The following CFTR variants were observed in gnomAD, a reference collection of about 807,000 sequenced individuals.
The protein encoded by CFTR is CF transmembrane conductance regulator.
CFTR carries 181 observed loss-of-function variants against 171.6 expected under a neutral mutation model. The ratio of observed to expected loss-of-function variants is 1.05; its 90% CI spans 0.93 to 1.19. The LOEUF (loss-of-function observed/expected upper bound fraction) is 1.19. Among genes scored for constraint, CFTR ranks in the 50% most tolerant of loss-of-function variants. CFTR has a pLI of 0.00. For missense variants in CFTR, 1,968 were observed against 1,734.7 expected, an observed-to-expected ratio of 1.13 and a Z score of -2.39; for synonymous variants, 583 against 608.0, an observed-to-expected ratio of 0.96 and a Z score of 0.60.
In CFTR at chr7:117,515,105, G is replaced by T. The variant is rs979775639; in HGVS notation, c.273+5963G>T. ...TTTTCTCCCATTTTGTAGGTTGCCTGTTCACTCTGATGATAGGTTCTTTTG... is the reference window on the plus strand; with the variant it reads ...TTTTCTCCCATTTTGTAGGTTGCCTTTTCACTCTGATGATAGGTTCTTTTG... On this transcript the variant is annotated intron_variant, in intron 3 of 26. Coordinates refer to ENST00000003084, the MANE Select transcript of CFTR (RefSeq NM_000492.4). Among the ~76,000 whole-genome samples the T allele has an allele frequency of 2.6e-5, 4 of 152,148 alleles. No homozygotes were observed. The East Asian group carries it at 7.7e-4, about 29-fold the overall frequency.
intron 10 of CFTR, among the ~76,000 whole-genome samples, chr7:117,556,012 T>G (rs1325595166): frequency 6.6e-6 from 1 of 152,164 alleles, no homozygotes; most frequent in African/African-American, 2.4e-5. Context: ...TGTATTTATA[T>G]TCATAAATAA....
chr7:117,587,344 T>A (rs1436068316), intron 11 of CFTR, among the ~76,000 whole-genome samples: 1 of 152,170 alleles, frequency 6.6e-6, no homozygotes, highest in Non-Finnish European at 1.5e-5. Context: ...TTTGGGAGAT[T>A]TCTTTTGAAA....
rs17139964 is a variant in CFTR, at chr7:117,494,763, G to A, written c.54-9490G>A. Among the ~76,000 whole-genome samples, 9 of 152,192 alleles carry A rather than the reference G, an allele frequency of 5.9e-5. No individual in the cohort carries two copies. The East Asian group carries it at 1.7e-3, about 29-fold the overall frequency. ...TAATTATAAAATAAATACCAGCAAA[G>A]TTAAATCAATATATCATGTGGGAGA... On this transcript the variant is annotated intron_variant, in intron 1 of 26. Transcript: ENST00000003084.
At chr7:117,566,510 T>G (rs1181436449) in intron 11 of CFTR, among the ~76,000 whole-genome samples, 1 of 152,010 alleles carries the variant, frequency 6.6e-6, no homozygotes, top group Non-Finnish European at 1.5e-5. Context: ...ACTAAATGAC[T>G]GTACCTTGAA....
chr7:117,540,305 C>T lies in CFTR; in HGVS notation c.1075C>T (p.Gln359Ter). ...AVTRQFPWAV[Q>*]TWYDSLGAIN... The stretch of plus-strand genomic sequence containing the variant: ...CACTCGGCAATTTCCCTGGGCTGTA[C>T]AAACATGGTATGACTCTCTTGGAGC... Residue 359 changes from glutamine to a stop codon, truncating the protein, a stop_gained, in exon 8 of 27, where the codon CAA becomes TAA. Transcript: ENST00000003084. LOFTEE classifies it high-confidence loss of function. The T allele has an allele frequency of 6.2e-7, 1 of 1,613,798 alleles. No homozygotes were observed. Among genetic ancestry groups the T allele is most frequent in the Non-Finnish European group, 8.5e-7 (1 of 1,179,718 alleles).
Position 117,610,567 on chromosome 7 carries a change from C to T in CFTR, c.3037C>T (p.Pro1013Ser), listed in dbSNP as rs978796108. Residue 1013 changes from proline (P) to serine (S), a missense_variant, in exon 19 of 27, where the codon CCC (proline) becomes TCC (serine). Coordinates refer to ENST00000003084, the MANE Select transcript of CFTR (RefSeq NM_000492.4). ...TATAGCAGTTGTCGCAGTTTTACAA[C>T]CCTACATCTTTGTTGCAACAGTGCC... Reference protein sequence around the residue: ...GAIAVVAVLQPYIFVATVPVI... With the variant: ...GAIAVVAVLQSYIFVATVPVI... 1 of 1,613,378 alleles carries T rather than the reference C, an allele frequency of 6.2e-7. No homozygotes were observed. The highest frequency in any genetic ancestry group is 8.5e-7 in the Non-Finnish European group (1 of 1,179,530).
At chr7:117,489,920 C>T (rs1020416675) in intron 1 of CFTR, among the ~76,000 whole-genome samples, 2 of 152,064 alleles carry the variant, frequency 1.3e-5, no homozygotes, top group East Asian at 3.9e-4. Context: ...GGTATTGGGG[C>T]TCATAGTGTG....
intron 11 of CFTR, among the ~76,000 whole-genome samples, chr7:117,586,942 A>G (rs1438152498): frequency 6.6e-6 from 1 of 152,206 alleles, no homozygotes; most frequent in East Asian, 1.9e-4. Context: ...TTTATAAACT[A>G]TCTTAAAATG....
At chr7:117,649,626 T>G (rs552055065) in intron 23 of CFTR, among the ~76,000 whole-genome samples, 33 of 151,986 alleles carry the variant, frequency 2.2e-4, no homozygotes, top group African/African-American at 7.5e-4. Flanking sequence ...TTTTGTATTT[T>G]ACTTCCTATT....
intron 3 of CFTR, among the ~76,000 whole-genome samples, chr7:117,521,954 G>T (rs532999167): frequency 6.6e-6 from 1 of 152,124 alleles, no homozygotes; most frequent in East Asian, 1.9e-4. Flanking sequence ...ACCATAAATG[G>T]TTAAAGAATT....
chr7:117,603,587 G>C lies in CFTR; in HGVS notation c.2713G>C (p.Val905Leu), dbSNP rs886186687. The change falls in exon 17 of 27, where the codon GTG (valine) becomes CTG (leucine). Residue 905 changes from valine (V) to leucine (L), a missense_variant. Physicochemically the swap from Val to Leu is conservative, Grantham distance 32. Transcript: ENST00000003084. ...TCATAGTAGAAATAACAGCTATGCA[G>C]TGATTATCACCAGCACCAGTTCGTA... Reference protein sequence around the residue: ...STHSRNNSYAVIITSTSSYYV... With the variant: ...STHSRNNSYALIITSTSSYYV... 2.8e-5 allele frequency: 45 copies of C among 1,613,952 alleles called. No homozygotes were observed. The highest frequency in any genetic ancestry group is 3.8e-5 in the Non-Finnish European group (45 of 1,179,864).
intron 23 of CFTR, among the ~76,000 whole-genome samples, chr7:117,650,920 G>A (rs1417388930): frequency 6.6e-6 from 1 of 152,116 alleles, no homozygotes; most frequent in Non-Finnish European, 1.5e-5. Context: ...TTTTGCTGTG[G>A]TGATGAGGAG....
chr7:117,564,949 T>C (rs764573763), intron 11 of CFTR, among the ~76,000 whole-genome samples: 12 of 152,350 alleles, frequency 7.9e-5, no homozygotes, highest in Non-Finnish European at 1.6e-4. Flanking sequence ...AGAAAACTTG[T>C]AATGTACAGC....
chr7:117,658,363 T>TA (rs1473303637), intron 24 of CFTR, among the ~76,000 whole-genome samples: 2 of 152,146 alleles, frequency 1.3e-5, no homozygotes, highest in Non-Finnish European at 2.9e-5. Flanking sequence ...TAAGTAAAAG[T>TA]AACTATAATC....
chr7:117,661,241 A>G (rs1793276206), intron 24 of CFTR, among the ~76,000 whole-genome samples: 1 of 152,204 alleles, frequency 6.6e-6, no homozygotes, highest in Non-Finnish European at 1.5e-5. Context: ...AAAGCTTTTT[A>G]CTATACTTCA....
At chr7:117,481,364 A>G (rs1797997562) in intron 1 of CFTR, among the ~76,000 whole-genome samples, 1 of 152,236 alleles carries the variant, frequency 6.6e-6, no homozygotes, top group South Asian at 2.1e-4. Context: ...ATTGGCATAA[A>G]TTATAGACTT....
chr7:117,590,767 A>G (rs969091541), intron 13 of CFTR, among the ~76,000 whole-genome samples: 3 of 151,898 alleles, frequency 2.0e-5, no homozygotes, highest in Non-Finnish European at 4.4e-5. Context: ...TAACATTTTT[A>G]TTTACTTTTT....
chr7:117,560,177 C>T (rs1227062871), intron 11 of CFTR, among the ~76,000 whole-genome samples: 2 of 152,052 alleles, frequency 1.3e-5, no homozygotes, highest in Non-Finnish European at 2.9e-5. Flanking sequence ...CATATAACTT[C>T]TAGTGACTGC....
At chr7:117,550,846 G>A (rs1033702485) in intron 10 of CFTR, among the ~76,000 whole-genome samples, 1 of 152,106 alleles carries the variant, frequency 6.6e-6, no homozygotes, top group Non-Finnish European at 1.5e-5. Flanking sequence ...GGTCCCTTGG[G>A]AATATTTAAA....
Sources: gnomAD v4.1 joint callset for allele counts (sites outside exome capture counted in the v4.1 genomes callset) on GRCh38, gnomAD v4.1.1 for gene constraint, MANE v1.5 for transcripts, NCBI Gene and HGNC (gene_info 2026-07-23, HGNC 2026-07-21) for gene names.